SLC8A1: variants seen among roughly 807,000 people sequenced by gnomAD.
The protein encoded by SLC8A1 is sodium/calcium exchanger 1.
SLC8A1 carries 18 observed loss-of-function variants against 68.3 expected under a neutral mutation model. The observed-to-expected ratio is 0.26, with a 90% CI of 0.18 to 0.39. SLC8A1 has a LOEUF of 0.39. SLC8A1 is among the 10% of genes least tolerant of loss of function. The pLI, the probability that SLC8A1 is intolerant of heterozygous loss-of-function variation, is 1.00. For missense variants in SLC8A1, 985 were observed against 1,156.7 expected (o/e 0.85, Z 2.15); for synonymous variants, 475 against 415.5 (o/e 1.14, Z -1.74).
At position 40,308,030 on chromosome 2, in the gene SLC8A1, A is replaced by C. The variant is rs955941038; in HGVS notation, c.1808+120443T>G. On this transcript the variant is annotated intron_variant, in intron 2 of 7. Coordinates refer to ENST00000406785, the Ensembl canonical transcript of SLC8A1. Reference sequence around the variant, plus strand: ...GATAATATGAAATGGAATGAAATAAAATAATATAAATAAAAGTAAACAAAC... The same window carrying C: ...GATAATATGAAATGGAATGAAATAACATAATATAAATAAAAGTAAACAAAC... Among the ~76,000 whole-genome samples the C allele has an allele frequency of 4.6e-5, 7 of 152,316 alleles. No homozygotes were observed. The East Asian group carries it at 9.6e-4, about 21-fold the overall frequency.
At chr2:40,309,058 T>C (rs957156957) in intron 2 of SLC8A1, among the ~76,000 whole-genome samples, 1 of 152,192 alleles carries the variant, frequency 6.6e-6, no homozygotes, top group Non-Finnish European at 1.5e-5. Context: ...GAACCAATTA[T>C]TTTGCAGTGA....
intron 2 of SLC8A1, among the ~76,000 whole-genome samples, chr2:40,236,544 C>G (rs1290069052): frequency 3.3e-5 from 5 of 150,220 alleles, no homozygotes; most frequent in Non-Finnish European, 7.5e-5. Flanking sequence ...TGGGTCTTGA[C>G]TCTTTATCCA....
chr2:40,337,424 C>A (rs1158993869), intron 2 of SLC8A1: 2 of 263,124 alleles, frequency 7.6e-6, no homozygotes, highest in South Asian at 3.6e-5. Flanking sequence ...TAAGAAAGTA[C>A]CTGATTCTAC....
At chr2:40,239,589 T>G (rs2060927632) in intron 2 of SLC8A1, among the ~76,000 whole-genome samples, 1 of 152,216 alleles carries the variant, frequency 6.6e-6, no homozygotes, top group Non-Finnish European at 1.5e-5. Flanking sequence ...GCACAGTCAC[T>G]GTGCTGCCTC....
At chr2:40,320,977 C>T (rs1252677829) in intron 2 of SLC8A1, among the ~76,000 whole-genome samples, 4 of 151,976 alleles carry the variant, frequency 2.6e-5, no homozygotes, top group Non-Finnish European at 4.4e-5. Flanking sequence ...ACCATGCAGG[C>T]GGGGGATTGT....
chr2:40,396,528 T>G (rs1001781787), intron 2 of SLC8A1, among the ~76,000 whole-genome samples: 7 of 152,012 alleles, frequency 4.6e-5, no homozygotes, highest in Admixed American at 4.6e-4. Context: ...AAAACAAGAC[T>G]GCATCAAAGC....
chr2:40,276,938 G>A (rs1262650526), intron 2 of SLC8A1, among the ~76,000 whole-genome samples: 1 of 152,274 alleles, frequency 6.6e-6, no homozygotes, highest in East Asian at 1.9e-4. Flanking sequence ...AGAAAGGCTT[G>A]AGTCGAATGA....
intron 2 of SLC8A1, among the ~76,000 whole-genome samples, chr2:40,208,009 A>G (rs962287132): frequency 5.3e-5 from 8 of 152,146 alleles, no homozygotes; most frequent in African/African-American, 1.7e-4. Flanking sequence ...ACAGCACTGC[A>G]AGAGCTTCCT....
chr2:40,252,829 TAC>T (rs2063013218), intron 2 of SLC8A1, among the ~76,000 whole-genome samples: 15 of 147,650 alleles, frequency 1.0e-4, no homozygotes, highest in Admixed American at 2.7e-4. Flanking sequence ...TATATGTATA[TAC>T]ATGTGTATAC....
intron 2 of SLC8A1, among the ~76,000 whole-genome samples, chr2:40,341,187 G>A (rs962833053): frequency 4.6e-5 from 7 of 151,976 alleles, no homozygotes; most frequent in Non-Finnish European, 7.4e-5. Context: ...TTTTACATAC[G>A]GGAGTGTGAG....
At chr2:40,400,048 T>C (rs545083929) in intron 2 of SLC8A1, among the ~76,000 whole-genome samples, 5 of 152,300 alleles carry the variant, frequency 3.3e-5, no homozygotes, top group African/African-American at 1.2e-4. Flanking sequence ...TAACAGTGCA[T>C]GCAGCCCCCA....
At chr2:40,431,478 A>C (rs1157641087) in intron 1 of SLC8A1, among the ~76,000 whole-genome samples, 4 of 152,068 alleles carry the variant, frequency 2.6e-5, no homozygotes, top group Admixed American at 1.3e-4. Flanking sequence ...CAGTGGACTC[A>C]ACCACCATGG....
intron 2 of SLC8A1, among the ~76,000 whole-genome samples, chr2:40,273,161 T>A (rs925463414): frequency 6.6e-6 from 1 of 152,152 alleles, no homozygotes; most frequent in Non-Finnish European, 1.5e-5. Flanking sequence ...CAGGCTGGTC[T>A]CGAACTCCTG....
At chr2:40,246,015 C>CA (rs370809070) in intron 2 of SLC8A1, among the ~76,000 whole-genome samples, 65 of 152,336 alleles carry the variant, frequency 4.3e-4, no homozygotes, top group African/African-American at 1.5e-3. Flanking sequence ...ATCATTATGC[C>CA]ATATGACCTG....
At chr2:40,457,774 T>C (rs1703108651) in intron 1 of SLC8A1, among the ~76,000 whole-genome samples, 1 of 152,254 alleles carries the variant, frequency 6.6e-6, no homozygotes, top group Non-Finnish European at 1.5e-5. Flanking sequence ...AGAATGTCTT[T>C]ATCAAAACAA....
At chr2:40,388,762 T>A (rs1217261446) in intron 2 of SLC8A1, among the ~76,000 whole-genome samples, 2 of 152,116 alleles carry the variant, frequency 1.3e-5, no homozygotes, top group African/African-American at 2.4e-5. Context: ...TAAAACATTC[T>A]GTTAATTTTA....
At chr2:40,311,202 A>G (rs1259025580) in intron 2 of SLC8A1, among the ~76,000 whole-genome samples, 1 of 152,180 alleles carries the variant, frequency 6.6e-6, no homozygotes, top group Non-Finnish European at 1.5e-5. Flanking sequence ...AAATATGCAC[A>G]TAAATATCAC....
chr2:40,154,978 A>T (rs557995072), intron 6 of SLC8A1, among the ~76,000 whole-genome samples: 1 of 152,162 alleles, frequency 6.6e-6, no homozygotes, highest in Non-Finnish European at 1.5e-5. Flanking sequence ...CTCAGTCAAC[A>T]TATGATTTTA....
At position 40,198,351 on chromosome 2, in the gene SLC8A1, T is replaced by C. The variant is rs1014722223; in HGVS notation, c.1809-20496A>G. ...TTACATGGAATGCTACTAACCAGAG[T>C]TCTTGTTTGCATTTCCCAAGCCTAG... is the stretch of plus-strand genomic sequence containing the variant. On this transcript the variant is annotated intron_variant, in intron 2 of 7. Transcript: ENST00000406785. 2.0e-5 allele frequency among the ~76,000 whole-genome samples: 3 copies of C among 151,820 alleles called. No homozygotes were observed. In the East Asian group the frequency reaches 5.8e-4, roughly 29 times the overall value.
Sources: allele counts gnomAD v4.1 joint callset (sites outside exome capture counted in the v4.1 genomes callset), GRCh38; gene constraint gnomAD v4.1.1; transcripts MANE v1.5; gene names NCBI Gene and HGNC (gene_info 2026-07-23, HGNC 2026-07-21).